MOXD1: variants seen among roughly 807,000 people sequenced by gnomAD.
MOXD1 encodes the protein DBH-like monooxygenase protein 1.
MOXD1 carries 62 observed loss-of-function variants against 66.6 expected under a neutral mutation model. The observed-to-expected ratio is 0.93, with a 90% CI of 0.76 to 1.15. The LOEUF (loss-of-function observed/expected upper bound fraction) is 1.15. Ranked by LOEUF, MOXD1 falls within the 50% of genes most tolerant of loss-of-function variation. The probability of loss-of-function intolerance (pLI) is 0.00; values close to 1 mark genes in which losing one functional copy is unlikely to be tolerated. For missense variants in MOXD1, 847 were observed against 754.6 expected, an observed-to-expected ratio of 1.12 and a Z score of -1.44; for synonymous variants, 303 against 281.9, an observed-to-expected ratio of 1.07 and a Z score of -0.75.
intron 4 of MOXD1, among the ~76,000 whole-genome samples, chr6:132,349,932 T>A (rs936604663): frequency 6.6e-6 from 1 of 152,214 alleles, no homozygotes; most frequent in South Asian, 2.1e-4. Flanking sequence ...CTTTGAGAAT[T>A]GTCTATTCAT....
chr6:132,300,814 C>T lies in MOXD1; in HGVS notation c.1509-2859G>A, dbSNP rs141351830. 2.9e-3 allele frequency among the ~76,000 whole-genome samples: 448 copies of T among 152,232 alleles called. 3 individuals are homozygous for T. Among genetic ancestry groups the T allele is most frequent in the Middle Eastern group, 0.024 (7 of 294 alleles). On this transcript the variant is annotated intron_variant, in intron 10 of 11. Coordinates refer to ENST00000367963, the MANE Select transcript of MOXD1 (RefSeq NM_015529.4). ...GTGACCTGGGGATGTGGTCATCAAC[C>T]TTTCTGAGATGGCATCTTTGTCTCA...
intron 10 of MOXD1, 86 bp from the exon 11 acceptor site, chr6:132,298,041 A>C: frequency 1.3e-4 from 148 of 1,162,730 alleles, no homozygotes; most frequent in Non-Finnish European, 1.5e-4. Context: ...AATAGATCTC[A>C]CACTTATTCA....
chr6:132,327,017 T>C (rs930149506), intron 6 of MOXD1, among the ~76,000 whole-genome samples: 4 of 152,212 alleles, frequency 2.6e-5, no homozygotes, highest in African/African-American at 9.6e-5. Flanking sequence ...AAATCCTTAA[T>C]GGGTCCTACA....
At chr6:132,386,459 G>A (rs1642766725) in intron 1 of MOXD1, among the ~76,000 whole-genome samples, 1 of 146,248 alleles carries the variant, frequency 6.8e-6, no homozygotes, top group African/African-American at 2.5e-5. Context: ...AAAAAAAACG[G>A]GAAAAGAGAT....
At chr6:132,325,898 T>A (rs1431373363) in intron 6 of MOXD1, among the ~76,000 whole-genome samples, 1 of 152,192 alleles carries the variant, frequency 6.6e-6, no homozygotes, top group African/African-American at 2.4e-5. Context: ...ATCATAAAAA[T>A]CAATTCTCCT....
chr6:132,320,643 CTCTA>C lies in MOXD1; in HGVS notation c.1347_1350del (p.Asp449GlufsTer4), dbSNP rs773238682. The C allele has an allele frequency of 5.0e-5, 80 of 1,610,152 alleles. No homozygotes were observed. Among genetic ancestry groups the C allele is most frequent in the Non-Finnish European group, 5.1e-6 (6 of 1,178,108 alleles). On this transcript the variant is annotated frameshift_variant, in exon 9 of 12. Transcript: ENST00000367963. LOFTEE classifies it high-confidence loss of function. ...AGTTTTCTTACCCAAGTCATCTCAG[CTCTA>C]TCTTTCGTGTTGTAGCGACACTCAG...
intron 1 of MOXD1, among the ~76,000 whole-genome samples, chr6:132,386,032 G>A (rs868851736): frequency 1.3e-5 from 2 of 149,282 alleles, no homozygotes; most frequent in Non-Finnish European, 3.0e-5. Flanking sequence ...GAACCCAGGA[G>A]GCGTAGCTTG....
intron 4 of MOXD1, among the ~76,000 whole-genome samples, chr6:132,345,332 G>A (rs975686037): frequency 1.3e-5 from 2 of 151,984 alleles, no homozygotes; most frequent in Admixed American, 6.5e-5. Flanking sequence ...ATGGTCTGTA[G>A]GTTCTTTTTT....
intron 4 of MOXD1, among the ~76,000 whole-genome samples, chr6:132,348,816 C>G (rs1775721632): frequency 6.6e-6 from 1 of 151,980 alleles, no homozygotes; most frequent in African/African-American, 2.4e-5. Flanking sequence ...GATAATGGTT[C>G]CAAAAAAGAC....
intron 4 of MOXD1, among the ~76,000 whole-genome samples, chr6:132,341,150 A>G (rs1232519936): frequency 1.3e-5 from 2 of 152,198 alleles, no homozygotes; most frequent in Non-Finnish European, 2.9e-5. Context: ...ATGTGATGGT[A>G]TTAAGAGGTA....
intron 4 of MOXD1, among the ~76,000 whole-genome samples, chr6:132,349,368 T>TATATATATACATGTATATATATACAC (rs1775736225): frequency 7.4e-6 from 1 of 135,040 alleles, no homozygotes; most frequent in Non-Finnish European, 1.6e-5. Flanking sequence ...TTCCATCATA[T>TATATATATACATGTATATATATACAC]ATATATATAC....
intron 4 of MOXD1, among the ~76,000 whole-genome samples, chr6:132,332,708 A>G (rs115648281): frequency 0.013 from 1,999 of 152,330 alleles, 40 homozygotes; most frequent in African/African-American, 0.045. Flanking sequence ...CCATGCTTAC[A>G]AAGCCTGATC....
At chr6:132,400,687 C>T (rs999406085) in intron 1 of MOXD1, among the ~76,000 whole-genome samples, 1 of 152,064 alleles carries the variant, frequency 6.6e-6, no homozygotes, top group Non-Finnish European at 1.5e-5. Context: ...ATCAGCCCCG[C>T]GCCTGGAGGC....
chr6:132,374,896 C>T, intron 1 of MOXD1, 119 bp from the exon 2 acceptor site: 1 of 1,031,808 alleles, frequency 9.7e-7, no homozygotes, highest in Non-Finnish European at 1.4e-6. Flanking sequence ...CCGGGAATTT[C>T]CAAGGGGCTG....
intron 10 of MOXD1, among the ~76,000 whole-genome samples, chr6:132,302,673 G>T (rs972124416): frequency 6.6e-6 from 1 of 151,950 alleles, no homozygotes; most frequent in Non-Finnish European, 1.5e-5. Flanking sequence ...TCAAATCCCA[G>T]CAGGTCCTTT....
At chr6:132,349,745 T>C (rs1365940271) in intron 4 of MOXD1, among the ~76,000 whole-genome samples, 2 of 151,902 alleles carry the variant, frequency 1.3e-5, no homozygotes, top group East Asian at 3.9e-4. Flanking sequence ...ACCAGCAGTG[T>C]AGAAGTGTTC....
At chr6:132,384,259 TTCCTTCC>T (rs1776574142) in intron 1 of MOXD1, among the ~76,000 whole-genome samples, 1 of 109,102 alleles carries the variant, frequency 9.2e-6, no homozygotes, top group African/African-American at 4.1e-5. Context: ...CCTTCCTTCC[TTCCTTCC>T]TTCCTTCCTT....
At chr6:132,348,337 CTTCA>C (rs1775707579) in intron 4 of MOXD1, among the ~76,000 whole-genome samples, 1 of 152,180 alleles carries the variant, frequency 6.6e-6, no homozygotes, top group African/African-American at 2.4e-5. Context: ...TGCTATTTAT[CTTCA>C]CCCTAACTTA....
chr6:132,323,198 C>T (rs535970464), intron 7 of MOXD1, among the ~76,000 whole-genome samples: 1 of 152,202 alleles, frequency 6.6e-6, no homozygotes, highest in East Asian at 1.9e-4. Context: ...ACCTGAAAAC[C>T]CAAATTCTTA....
Sources: allele counts gnomAD v4.1 joint callset (sites outside exome capture counted in the v4.1 genomes callset), GRCh38; gene constraint gnomAD v4.1.1; transcripts MANE v1.5; gene names NCBI Gene and HGNC (gene_info 2026-07-23, HGNC 2026-07-21).